Variants in CNTNAP2 observed in about 807,000 individuals in gnomAD.
CNTNAP2 encodes contactin-associated protein-like 2.
A neutral mutation model predicts 155.2 loss-of-function variants in CNTNAP2; 98 were observed. That is an observed-to-expected ratio of 0.63 (90% CI 0.54 to 0.75). The LOEUF (loss-of-function observed/expected upper bound fraction) is 0.75. CNTNAP2 is among the 30% of genes least tolerant of loss of function. The pLI, the probability that CNTNAP2 is intolerant of heterozygous loss-of-function variation, is 0.00. For synonymous variants in CNTNAP2, 651 were observed against 631.2 expected (o/e 1.03, Z -0.47); for missense variants, 1,727 against 1,688.1 (o/e 1.02, Z -0.40).
intron 3 of CNTNAP2, among the ~76,000 whole-genome samples, chr7:146,907,692 A>C (rs1376273226): frequency 5.3e-5 from 8 of 150,796 alleles, no homozygotes; most frequent in African/African-American, 9.8e-5. Context: ...GCTGCTGCAA[A>C]ATCATGCCAA....
intron 8 of CNTNAP2, among the ~76,000 whole-genome samples, chr7:147,252,318 G>C (rs994703223): frequency 6.6e-6 from 1 of 152,124 alleles, no homozygotes; most frequent in African/African-American, 2.4e-5. Flanking sequence ...TATCATGAGA[G>C]TTTATCAGAA....
chr7:147,009,284 T>G (rs1798581223), intron 3 of CNTNAP2, among the ~76,000 whole-genome samples: 1 of 152,104 alleles, frequency 6.6e-6, no homozygotes. Context: ...ATCATCCGAT[T>G]TTTCCCCATT....
intron 8 of CNTNAP2, among the ~76,000 whole-genome samples, chr7:147,280,367 A>T (rs1226428033): frequency 6.6e-6 from 1 of 151,930 alleles, no homozygotes; most frequent in Non-Finnish European, 1.5e-5. Context: ...TCTGCTTCAT[A>T]TTCAGGCGTC....
Position 147,789,701 on chromosome 7 carries a change from C to T in CNTNAP2, c.2099-113864C>T, listed in dbSNP as rs139260896. Among the ~76,000 whole-genome samples the T allele has an allele frequency of 2.2e-3, 338 of 152,300 alleles. 3 individuals are homozygous for T. The highest frequency in any genetic ancestry group is 7.7e-3 in the African/African-American group (320 of 41,576). ...GTGGGCACCATCTATTGGCTGCTAG[C>T]AGGGCAAGAAAAAGCAGGCGGAAGG... On this transcript the variant is annotated intron_variant, in intron 13 of 23. Coordinates refer to ENST00000361727, the MANE Select transcript of CNTNAP2 (RefSeq NM_014141.6).
At chr7:147,253,876 T>C (rs1467306219) in intron 8 of CNTNAP2, among the ~76,000 whole-genome samples, 2 of 152,208 alleles carry the variant, frequency 1.3e-5, no homozygotes, top group South Asian at 2.1e-4. Flanking sequence ...TAGTATCTTA[T>C]TGGCAACTCT....
intron 1 of CNTNAP2, among the ~76,000 whole-genome samples, chr7:146,365,927 A>G (rs917827188): frequency 3.3e-5 from 5 of 152,208 alleles, no homozygotes; most frequent in African/African-American, 1.2e-4. Flanking sequence ...CAGTCACACT[A>G]AATGGAAGAA....
intron 13 of CNTNAP2, among the ~76,000 whole-genome samples, chr7:147,772,153 T>C (rs1172184073): frequency 2.0e-5 from 3 of 151,782 alleles, no homozygotes; most frequent in East Asian, 1.9e-4. Flanking sequence ...TGGCCAGGCA[T>C]GGTGGCTCAC....
At chr7:147,286,165 C>A (rs1007536380) in intron 8 of CNTNAP2, among the ~76,000 whole-genome samples, 2 of 151,982 alleles carry the variant, frequency 1.3e-5, no homozygotes, top group South Asian at 4.1e-4. Flanking sequence ...TTGCCGTTTA[C>A]ATAGTGTCAA....
chr7:148,115,724 C>T (rs1172823214), intron 15 of CNTNAP2, among the ~76,000 whole-genome samples: 3 of 152,102 alleles, frequency 2.0e-5, no homozygotes, highest in Non-Finnish European at 4.4e-5. Flanking sequence ...TTGCAAAGCG[C>T]CTTTCTGTTC....
At chr7:146,509,614 C>T (rs912491426) in intron 1 of CNTNAP2, among the ~76,000 whole-genome samples, 53 of 152,132 alleles carry the variant, frequency 3.5e-4, no homozygotes, top group African/African-American at 1.3e-3. Flanking sequence ...GGTTCTTCCT[C>T]CTCGGTGTCA....
intron 1 of CNTNAP2, among the ~76,000 whole-genome samples, chr7:146,177,205 T>C (rs1239649876): frequency 1.3e-5 from 2 of 152,224 alleles, no homozygotes; most frequent in African/African-American, 2.4e-5. Context: ...CTGGACAGTA[T>C]TGAAGGGCAG....
chr7:146,275,606 G>T (rs928053454), intron 1 of CNTNAP2, among the ~76,000 whole-genome samples: 3 of 152,136 alleles, frequency 2.0e-5, no homozygotes, highest in Non-Finnish European at 4.4e-5. Flanking sequence ...TATTAAACTT[G>T]TGTCTCCCTT....
chr7:146,412,205 C>A (rs939872943), intron 1 of CNTNAP2, among the ~76,000 whole-genome samples: 1 of 152,146 alleles, frequency 6.6e-6, no homozygotes, highest in South Asian at 2.1e-4. Context: ...CCCTGCAGGT[C>A]GGCTCCTGTT....
intron 8 of CNTNAP2, among the ~76,000 whole-genome samples, chr7:147,133,786 G>A (rs1801425086): frequency 6.6e-6 from 1 of 152,038 alleles, no homozygotes; most frequent in South Asian, 2.1e-4. Flanking sequence ...GAAATGTTAT[G>A]TCAGAGATGT....
chr7:146,231,267 C>T (rs897514233), intron 1 of CNTNAP2, among the ~76,000 whole-genome samples: 1 of 152,106 alleles, frequency 6.6e-6, no homozygotes, highest in Admixed American at 6.6e-5. Flanking sequence ...ACACCCAGGT[C>T]CCAGTTCAGA....
At chr7:146,219,336 A>T (rs1214942457) in intron 1 of CNTNAP2, among the ~76,000 whole-genome samples, 1 of 152,180 alleles carries the variant, frequency 6.6e-6, no homozygotes, top group East Asian at 1.9e-4. Context: ...CCCCTCCAGA[A>T]TATTACCCTT....
chr7:148,112,506 G>A (rs956057565), intron 15 of CNTNAP2, among the ~76,000 whole-genome samples: 3 of 151,708 alleles, frequency 2.0e-5, no homozygotes, highest in African/African-American at 7.3e-5. Context: ...CTGCAACCTC[G>A]AACTCCTGAG....
chr7:147,055,147 T>G (rs1370976141), intron 4 of CNTNAP2, among the ~76,000 whole-genome samples: 1 of 152,180 alleles, frequency 6.6e-6, no homozygotes, highest in Non-Finnish European at 1.5e-5. Context: ...TAATATTTGC[T>G]AGGAAAAAAG....
intron 13 of CNTNAP2, among the ~76,000 whole-genome samples, chr7:147,823,530 A>G (rs1263003988): frequency 6.6e-6 from 1 of 152,140 alleles, no homozygotes; most frequent in Non-Finnish European, 1.5e-5. Context: ...GCGCCCTGAA[A>G]AAACTTGGCT....
Sources: gnomAD v4.1 joint callset for allele counts (sites outside exome capture counted in the v4.1 genomes callset) on GRCh38, gnomAD v4.1.1 for gene constraint, MANE v1.5 for transcripts, NCBI Gene and HGNC (gene_info 2026-07-23, HGNC 2026-07-21) for gene names.